The following TRAPPC10 variants were observed in gnomAD, a reference collection of about 807,000 sequenced individuals.
TRAPPC10 encodes trafficking protein particle complex subunit 10, also known as TRAPP 130 kDa subunit.
A neutral mutation model predicts 125.5 loss-of-function variants in TRAPPC10; 23 were observed. That is an observed-to-expected ratio of 0.18 (90% CI 0.13 to 0.26). The LOEUF (loss-of-function observed/expected upper bound fraction) is 0.26. Among genes scored for constraint, TRAPPC10 ranks in the 10% least tolerant of loss-of-function variants. TRAPPC10 has a pLI of 1.00. For missense variants in TRAPPC10, 1,123 were observed against 1,308.4 expected (o/e 0.86, Z 2.19); for synonymous variants, 509 against 518.0 (o/e 0.98, Z 0.24).
rs559420854 is a variant in TRAPPC10, at chr21:44,074,009, A to G, written c.1039-315A>G. ...AAAAAAAAATTCTTTTTCTATATATATTTTTCAGATCTAGACCTGCAGAGG... is the reference window on the plus strand; with the variant it reads ...AAAAAAAAATTCTTTTTCTATATATGTTTTTCAGATCTAGACCTGCAGAGG... On this transcript the variant is annotated intron_variant, in intron 7 of 22. Coordinates refer to ENST00000291574, the MANE Select transcript of TRAPPC10 (RefSeq NM_003274.5). Among the ~76,000 whole-genome samples the G allele has an allele frequency of 3.9e-5, 6 of 151,916 alleles. No homozygotes were observed. The South Asian group carries it at 1.2e-3, about 32-fold the overall frequency.
chr21:44,048,797 G>GT (rs34892092), intron 3 of TRAPPC10, among the ~76,000 whole-genome samples: 7,049 of 105,538 alleles, frequency 0.067, 256 homozygotes, highest in Middle Eastern at 0.12. Context: ...CCCACCCTGT[G>GT]TTTTTTTTTT....
At chr21:44,043,047 C>G (rs1334684276) in intron 3 of TRAPPC10, among the ~76,000 whole-genome samples, 2 of 152,004 alleles carry the variant, frequency 1.3e-5, no homozygotes, top group African/African-American at 4.8e-5. Context: ...GAATGCATAG[C>G]AAATTGGCCT....
intron 1 of TRAPPC10, among the ~76,000 whole-genome samples, chr21:44,031,659 C>T (rs1020408544): frequency 2.6e-5 from 4 of 152,166 alleles, no homozygotes; most frequent in Non-Finnish European, 4.4e-5. Flanking sequence ...AATTTTAGCT[C>T]CTCCTGGCAC....
intron 2 of TRAPPC10, among the ~76,000 whole-genome samples, chr21:44,035,441 G>A (rs887718601): frequency 2.0e-5 from 3 of 152,168 alleles, no homozygotes; most frequent in East Asian, 1.9e-4. Flanking sequence ...GTTGGTGGGC[G>A]GTGAGGAGGA....
rs369784110 is a variant in TRAPPC10 at position 44,094,092 on chromosome 21, C to T, written c.3027C>T (p.Phe1009=). ...QPIYSKQSVF[F]VWELKWTEEP... ...TCTACAGCAAGCAGTCGGTGTTCTT[C>T]GTCTGGGAACTCAAGTGGACAGAAG... The change falls in exon 20 of 23, where the codon TTC becomes TTT. Residue 1009 remains phenylalanine, a synonymous_variant. Coordinates refer to ENST00000291574, the MANE Select transcript of TRAPPC10 (RefSeq NM_003274.5). The T allele has an allele frequency of 5.0e-6, 8 of 1,613,910 alleles. No individual in the cohort carries two copies. The highest frequency in any genetic ancestry group is 3.3e-5 in the Admixed American group (2 of 59,986).
intron 3 of TRAPPC10, among the ~76,000 whole-genome samples, chr21:44,045,699 C>A (rs927541554): frequency 2.6e-5 from 4 of 151,592 alleles, no homozygotes; most frequent in South Asian, 2.1e-4. Flanking sequence ...TTATAGGTGC[C>A]CGCCACCATG....
At chr21:44,079,350 C>G in intron 11 of TRAPPC10, 1 of 517,214 alleles carries the variant, frequency 1.9e-6, no homozygotes, top group East Asian at 3.4e-5. Flanking sequence ...ACCACACGCT[C>G]ATTTCTCAGA....
chr21:44,063,186 C>G lies in TRAPPC10; in HGVS notation c.791-352C>G, dbSNP rs2036182665. On this transcript the variant is annotated intron_variant, in intron 6 of 22. Transcript: ENST00000291574. The surrounding 1 kb of genome is among the most constrained non-coding windows in gnomAD (Gnocchi z 4.4). Reference sequence around the variant, plus strand: ...GCCCACAGGTAAAGATAAGGAAGCCCAGCCCCGCTGCAGCCTAAGACTAGA... The same window carrying G: ...GCCCACAGGTAAAGATAAGGAAGCCGAGCCCCGCTGCAGCCTAAGACTAGA... 1.6e-6 allele frequency: 2 copies of G among 1,287,756 alleles called. No individual in the cohort carries two copies. The highest frequency in any genetic ancestry group is 2.6e-5 in the South Asian group (2 of 76,828). 79.8% of individuals were successfully genotyped at this position (1,287,756 alleles called of 1,614,324 possible). A position where few individuals can be genotyped will look rare whatever the true frequency, so the allele number is the denominator to read the frequency against.
At chr21:44,037,047 G>T (rs1260433247) in intron 2 of TRAPPC10, among the ~76,000 whole-genome samples, 1 of 152,158 alleles carries the variant, frequency 6.6e-6, no homozygotes, top group Non-Finnish European at 1.5e-5. Flanking sequence ...CATGATGGTT[G>T]GTTTTAAGTT....
intron 15 of TRAPPC10, among the ~76,000 whole-genome samples, chr21:44,085,018 G>C (rs1312121393): frequency 6.6e-6 from 1 of 152,198 alleles, no homozygotes; most frequent in Non-Finnish European, 1.5e-5. Flanking sequence ...CCTGTCCTTT[G>C]GTTTTTATGG....
At chr21:44,079,833 TA>T in intron 12 of TRAPPC10, 129 bp downstream of exon 12, 2 of 1,125,448 alleles carry the variant, frequency 1.8e-6, no homozygotes, top group Non-Finnish European at 2.5e-6. Context: ...ATATGTATTG[TA>T]TAGAAAATGA....
intron 1 of TRAPPC10, among the ~76,000 whole-genome samples, chr21:44,031,475 G>A (rs964024251): frequency 1.3e-5 from 2 of 152,212 alleles, no homozygotes; most frequent in African/African-American, 4.8e-5. Flanking sequence ...CCTAACTCGC[G>A]TCTGCCACTG....
chr21:44,036,532 C>G (rs1053682518), intron 2 of TRAPPC10, among the ~76,000 whole-genome samples: 2 of 152,224 alleles, frequency 1.3e-5, no homozygotes, highest in African/African-American at 4.8e-5. Flanking sequence ...CCATTCCTGT[C>G]TACCCCAGAG....
chr21:44,049,323 C>T lies in TRAPPC10; in HGVS notation c.286-2957C>T, dbSNP rs116173918. On this transcript the variant is annotated intron_variant, in intron 3 of 22. Transcript: ENST00000291574. ...TCTATGTTTGTAACTCCCTTCTCCA[C>T]ATGGAGGAGCCAGGCACTGGTTCTC... Among the ~76,000 whole-genome samples the T allele has an allele frequency of 3.6e-3, 553 of 152,310 alleles. 7 individuals carry two copies. The highest frequency in any genetic ancestry group is 0.013 in the African/African-American group (527 of 41,554).
intron 18 of TRAPPC10, among the ~76,000 whole-genome samples, chr21:44,090,276 C>T (rs2038480315): frequency 6.6e-6 from 1 of 152,108 alleles, no homozygotes; most frequent in African/African-American, 2.4e-5. Context: ...GGACGCCCGC[C>T]TTTCTGGATC....
chr21:44,021,247 A>T (rs553527748), intron 1 of TRAPPC10, among the ~76,000 whole-genome samples: 4 of 152,172 alleles, frequency 2.6e-5, no homozygotes, highest in African/African-American at 9.7e-5. Flanking sequence ...TCAGTGAGCA[A>T]ACATTTACGG....
chr21:44,017,120 C>T (rs2031955675), intron 1 of TRAPPC10, among the ~76,000 whole-genome samples: 1 of 152,166 alleles, frequency 6.6e-6, no homozygotes, highest in African/African-American at 2.4e-5. Flanking sequence ...ATTGAATTCT[C>T]AAGGCAATGT....
chr21:44,065,539 G>C (rs2036382281), intron 7 of TRAPPC10, among the ~76,000 whole-genome samples: 1 of 152,210 alleles, frequency 6.6e-6, no homozygotes, highest in Admixed American at 6.5e-5. Context: ...GGTGGCCAAA[G>C]GTGAATGCTG....
At position 44,046,298 on chromosome 21, in the gene TRAPPC10, A is replaced by G. The variant is rs182668648; in HGVS notation, c.286-5982A>G. 1.6e-3 allele frequency: 404 copies of G among 248,672 alleles called. 3 individuals are homozygous for G. The highest frequency in any genetic ancestry group is 2.8e-3 in the Non-Finnish European group (318 of 112,664). The allele number at this position is 248,672 out of a possible 1,614,324, so 15.4% of individuals were successfully genotyped here. A position where few individuals can be genotyped will look rare whatever the true frequency, so the allele number is the denominator to read the frequency against. ...TCCACTGGAATCACCAACACTGGAC[A>G]GCTGGTAGAGTATTTAGAGTCCTGA... is the stretch of plus-strand genomic sequence containing the variant. On this transcript the variant is annotated intron_variant, in intron 3 of 22. Transcript: ENST00000291574.
Sources: allele counts gnomAD v4.1 joint callset (sites outside exome capture counted in the v4.1 genomes callset), GRCh38; gene constraint gnomAD v4.1.1; non-coding constraint Gnocchi (gnomAD v3.1); transcripts MANE v1.5; gene names NCBI Gene and HGNC (gene_info 2026-07-23, HGNC 2026-07-21).